ETV7: variants seen among roughly 807,000 people sequenced by gnomAD.
The protein encoded by ETV7 is transcription factor ETV7.
Under a neutral mutation model 39.1 loss-of-function variants are expected in ETV7, and 43 were observed. The observed-to-expected ratio is 1.10, with a 90% CI of 0.86 to 1.42. The LOEUF (loss-of-function observed/expected upper bound fraction) is 1.42. Ranked by LOEUF, ETV7 falls within the 40% of genes most tolerant of loss-of-function variation. The pLI is 0.00. For missense variants in ETV7, 432 were observed against 442.3 expected, an observed-to-expected ratio of 0.98 and a Z score of 0.21; for synonymous variants, 196 against 176.6, an observed-to-expected ratio of 1.11 and a Z score of -0.87.
Position 36,359,518 on chromosome 6 carries a change from A to G in ETV7, c.909-4831T>C, listed in dbSNP as rs541174893. Among the ~76,000 whole-genome samples the G allele has an allele frequency of 2.4e-3, 364 of 152,342 alleles. 1 individual carries two copies. Among genetic ancestry groups the G allele is most frequent in the African/African-American group, 8.3e-3 (345 of 41,578 alleles). ...GGGGACAGTCTACTACAGGAGAGAA[A>G]GTGACATAGGTAAAGATGATTTGTT... On this transcript the variant is annotated intron_variant, in intron 7 of 7. Coordinates refer to the ETV7 transcript ENST00000339796.
chr6:36,387,230 C>T (rs1340923080), intron 1 of ETV7, among the ~76,000 whole-genome samples: 1 of 152,130 alleles, frequency 6.6e-6, no homozygotes, highest in African/African-American at 2.4e-5. Context: ...TTCCAAAGAC[C>T]TCACATCTGG....
chr6:36,355,278 A>G (rs1027758870), intron 7 of ETV7, among the ~76,000 whole-genome samples: 1 of 152,036 alleles, frequency 6.6e-6, no homozygotes, highest in Middle Eastern at 3.2e-3. Flanking sequence ...TTTGTTGAAT[A>G]TTTTTATGAT....
intron 3 of ETV7, among the ~76,000 whole-genome samples, chr6:36,375,093 G>A (rs1773250201): frequency 6.6e-6 from 1 of 151,442 alleles, no homozygotes; most frequent in Non-Finnish European, 1.5e-5. Context: ...AAGAACTTGG[G>A]ATGTGACATG....
At chr6:36,376,677 G>T (rs1460553528) in intron 2 of ETV7, among the ~76,000 whole-genome samples, 2 of 151,670 alleles carry the variant, frequency 1.3e-5, no homozygotes, top group African/African-American at 4.8e-5. Flanking sequence ...TCGGGAGGCT[G>T]AAGCAGGTGA....
intron 1 of ETV7, 29 bp downstream of exon 1, chr6:36,387,507 C>A (rs375397081): frequency 3.1e-6 from 5 of 1,614,024 alleles, no homozygotes; most frequent in Non-Finnish European, 4.2e-6. Flanking sequence ...TCTGCGTGCG[C>A]GCTGCGTGTT....
chr6:36,356,333 A>AAC (rs1554144253), intron 7 of ETV7, among the ~76,000 whole-genome samples: 1 of 150,904 alleles, frequency 6.6e-6, no homozygotes, highest in Admixed American at 6.6e-5. Flanking sequence ...CAAAAAAAAA[A>AAC]AAAAAACAAA....
At position 36,371,535 on chromosome 6, in the gene ETV7, G is replaced by T. The variant is rs774810352; in HGVS notation, c.459C>A (p.Asp153Glu). Reference sequence around the variant, plus strand: ...GCTGCAGCAGGTGGCCCCTTCGGGTGTCCATCTGAGAGGGGCCAGTCACCT... The same window carrying T: ...GCTGCAGCAGGTGGCCCCTTCGGGTTTCCATCTGAGAGGGGCCAGTCACCT... The part of the protein sequence containing the change: ...PEEVTGPSQM[D>E]TRRGHLLQPP... The change falls in exon 5 of 8, where the codon GAC becomes GAA. Residue 153 changes from aspartate (D) to glutamate (E), a missense_variant. Coordinates refer to ENST00000340181, the MANE Select transcript of ETV7 (RefSeq NM_016135.4). The T allele has an allele frequency of 8.1e-6, 13 of 1,599,286 alleles. No individual in the cohort carries two copies. The highest frequency in any genetic ancestry group is 9.4e-6 in the Non-Finnish European group (11 of 1,174,176).
downstream of ETV7, among the ~76,000 whole-genome samples, chr6:36,364,554 C>G (rs551297534): frequency 1.3e-5 from 2 of 152,230 alleles, no homozygotes; most frequent in Non-Finnish European, 2.9e-5. Context: ...CACGCTCACC[C>G]GAAAGTTCAG....
intron 1 of ETV7, chr6:36,386,702 T>C (rs1285424099): frequency 2.0e-5 from 3 of 152,278 alleles, no homozygotes; most frequent in Non-Finnish European, 4.4e-5. Context: ...TCCAGAAGCC[T>C]TGGCTGCTGC....
At chr6:36,355,028 GT>G (rs1772302207) in intron 7 of ETV7, among the ~76,000 whole-genome samples, 1 of 152,138 alleles carries the variant, frequency 6.6e-6, no homozygotes, top group East Asian at 1.9e-4. Flanking sequence ...AGTTCTCATA[GT>G]TTTTTTATTC....
In ETV7 at chr6:36,371,483, A is replaced by C. The variant is rs545020644; in HGVS notation, c.511T>G (p.Phe171Val). The C allele has an allele frequency of 1.9e-6, 3 of 1,605,106 alleles. No homozygotes were observed. In the South Asian group the frequency reaches 3.4e-5, roughly 18 times the overall value. The part of the protein sequence containing the change: ...QPPDPGLTSN[F>V]GHLDDPGLAR... ...AGGCCAGGGTCATCCAGGTGGCCGA[A>C]GTTGCTGGTAAGCCCTGGGTCTGGT... is the stretch of plus-strand genomic sequence containing the variant. Residue 171 changes from phenylalanine (F) to valine (V), a missense_variant, in exon 5 of 8, where the codon TTC becomes GTC. Transcript: ENST00000340181.
At chr6:36,364,574 A>C (rs1772650307), downstream of ETV7, among the ~76,000 whole-genome samples, 1 of 152,190 alleles carries the variant, frequency 6.6e-6, no homozygotes, top group South Asian at 2.1e-4. Flanking sequence ...GCTGGCCCGC[A>C]AGCGCCGCGC....
intron 7 of ETV7, among the ~76,000 whole-genome samples, chr6:36,357,715 A>G (rs1772377472): frequency 1.3e-5 from 2 of 152,036 alleles, no homozygotes; most frequent in Non-Finnish European, 2.9e-5. Flanking sequence ...TATCTCTACT[A>G]AAAATATAAA....
chr6:36,379,250 T>C (rs542456732), intron 2 of ETV7, among the ~76,000 whole-genome samples: 2 of 152,356 alleles, frequency 1.3e-5, no homozygotes, highest in South Asian at 2.1e-4. Flanking sequence ...AATTCAAAAC[T>C]GTGATTCCTG....
At chr6:36,359,428 G>A (rs1772419279) in intron 7 of ETV7, among the ~76,000 whole-genome samples, 1 of 149,860 alleles carries the variant, frequency 6.7e-6, no homozygotes, top group African/African-American at 2.5e-5. Flanking sequence ...TCCAGCCTGG[G>A]TAACAAGAGC....
intron 5 of ETV7, 39 bp downstream of exon 5, chr6:36,371,291 G>A (rs1346145123): frequency 2.6e-5 from 40 of 1,535,094 alleles, no homozygotes; most frequent in Non-Finnish European, 3.4e-5. Flanking sequence ...CTCAGACTCA[G>A]TGCACCTTCC....
At chr6:36,377,453 C>T (rs768212220) in intron 2 of ETV7, among the ~76,000 whole-genome samples, 3 of 151,940 alleles carry the variant, frequency 2.0e-5, no homozygotes, top group Non-Finnish European at 4.4e-5. Flanking sequence ...AGAGTGAGAC[C>T]CTGTATCAAA....
chr6:36,366,148 T>C, downstream of ETV7: 1 of 981,104 alleles, frequency 1.0e-6, no homozygotes, highest in Non-Finnish European at 1.2e-6. Flanking sequence ...CACTCCACCC[T>C]GGGTGACAGC....
chr6:36,362,288 C>T (rs993782467), downstream of ETV7, among the ~76,000 whole-genome samples: 2 of 150,388 alleles, frequency 1.3e-5, no homozygotes, highest in African/African-American at 4.9e-5. Context: ...TGTGAAAGAG[C>T]GAGACTCTGT....
Sources: allele counts gnomAD v4.1 joint callset (sites outside exome capture counted in the v4.1 genomes callset), GRCh38; gene constraint gnomAD v4.1.1; transcripts MANE v1.5; gene names NCBI Gene and HGNC (gene_info 2026-07-23, HGNC 2026-07-21).